Variants in ARHGAP15 observed in about 807,000 individuals in gnomAD.
The protein encoded by ARHGAP15 is Rho GTPase activating protein 15.
A neutral mutation model predicts 63.7 loss-of-function variants in ARHGAP15; 51 were observed. That is an observed-to-expected ratio of 0.80 (90% CI 0.64 to 1.01). The LOEUF (loss-of-function observed/expected upper bound fraction) is 1.01. ARHGAP15 is among the 50% of genes least tolerant of loss of function. The pLI is 0.00. For missense variants in ARHGAP15, 560 were observed against 564.6 expected, an observed-to-expected ratio of 0.99 and a Z score of 0.08; for synonymous variants, 191 against 193.8, an observed-to-expected ratio of 0.99 and a Z score of 0.12.
chr2:143,482,498 G>C (rs989686686), intron 8 of ARHGAP15, among the ~76,000 whole-genome samples: 1 of 152,186 alleles, frequency 6.6e-6, no homozygotes, highest in African/African-American at 2.4e-5. Context: ...AAAATGGAAG[G>C]AACACTGTTC....
chr2:143,543,323 A>G (rs952066887), intron 10 of ARHGAP15, among the ~76,000 whole-genome samples: 11 of 151,966 alleles, frequency 7.2e-5, no homozygotes, highest in African/African-American at 1.2e-4. Context: ...CCATTTACCT[A>G]TTGGCCATTT....
Position 143,199,548 on chromosome 2 carries a change from C to T in ARHGAP15, c.166-2586C>T, listed in dbSNP as rs540243876. 6.6e-5 allele frequency among the ~76,000 whole-genome samples: 10 copies of T among 152,146 alleles called. No individual in the cohort carries two copies. In the East Asian group the frequency reaches 1.9e-3, roughly 30 times the overall value. On this transcript the variant is annotated intron_variant, in intron 2 of 13. Coordinates refer to ENST00000295095, the MANE Select transcript of ARHGAP15 (RefSeq NM_018460.4). ...TTGCAACTTCATCCCTCCGTAGGGCCTTGTTCATTGTTTTCCCAGCCAGGG... is the reference window on the plus strand; with the variant it reads ...TTGCAACTTCATCCCTCCGTAGGGCTTTGTTCATTGTTTTCCCAGCCAGGG...
intron 10 of ARHGAP15, among the ~76,000 whole-genome samples, chr2:143,522,525 G>A (rs1243999775): frequency 1.3e-5 from 2 of 151,986 alleles, no homozygotes; most frequent in African/African-American, 4.8e-5. Flanking sequence ...TCATATCCTG[G>A]GTACAATGAC....
At chr2:143,639,488 CATTTA>C (rs1479720699) in intron 12 of ARHGAP15, among the ~76,000 whole-genome samples, 15 of 152,184 alleles carry the variant, frequency 9.9e-5, no homozygotes, top group African/African-American at 3.4e-4. Flanking sequence ...TTGTAACAAA[CATTTA>C]ATTTATCTTT....
chr2:143,463,129 T>A (rs1233436833), intron 8 of ARHGAP15, among the ~76,000 whole-genome samples: 1 of 152,182 alleles, frequency 6.6e-6, no homozygotes, highest in Non-Finnish European at 1.5e-5. Flanking sequence ...GTATTTTATG[T>A]GTGGCCCAAG....
At chr2:143,482,157 G>A (rs1692107890) in intron 8 of ARHGAP15, among the ~76,000 whole-genome samples, 1 of 152,042 alleles carries the variant, frequency 6.6e-6, no homozygotes, top group Admixed American at 6.6e-5. Context: ...GATTAAGAGT[G>A]ATTGCTCTAG....
intron 11 of ARHGAP15, among the ~76,000 whole-genome samples, chr2:143,598,690 G>A (rs1367750605): frequency 6.6e-6 from 1 of 152,100 alleles, no homozygotes; most frequent in African/African-American, 2.4e-5. Flanking sequence ...AGGGTCACTT[G>A]AAGCCAGGAG....
chr2:143,431,866 T>A (rs1689403757), intron 6 of ARHGAP15, among the ~76,000 whole-genome samples: 1 of 152,010 alleles, frequency 6.6e-6, no homozygotes, highest in Non-Finnish European at 1.5e-5. Flanking sequence ...TTTGTGGGAT[T>A]TATTCTGCAA....
chr2:143,443,172 A>G (rs1689968193), intron 8 of ARHGAP15, among the ~76,000 whole-genome samples: 1 of 152,186 alleles, frequency 6.6e-6, no homozygotes, highest in Admixed American at 6.5e-5. Context: ...TACATATTTT[A>G]AAGTTTTTTC....
intron 6 of ARHGAP15, among the ~76,000 whole-genome samples, chr2:143,270,873 G>C (rs950839668): frequency 6.6e-5 from 10 of 152,082 alleles, no homozygotes; most frequent in African/African-American, 2.4e-4. Flanking sequence ...GAAAATGTTA[G>C]AAAAACATAT....
At chr2:143,508,770 T>G (rs142211492) in intron 9 of ARHGAP15, among the ~76,000 whole-genome samples, 2 of 152,292 alleles carry the variant, frequency 1.3e-5, no homozygotes, top group Non-Finnish European at 2.9e-5. Flanking sequence ...AGATGCAAAT[T>G]TCTTCCTGGC....
At chr2:143,479,541 T>C (rs1429930425) in intron 8 of ARHGAP15, among the ~76,000 whole-genome samples, 2 of 152,136 alleles carry the variant, frequency 1.3e-5, no homozygotes, top group African/African-American at 4.8e-5. Flanking sequence ...TTCTTCTTTT[T>C]TTTAGTAATT....
At chr2:143,457,268 C>G (rs1179363784) in intron 8 of ARHGAP15, among the ~76,000 whole-genome samples, 1 of 151,948 alleles carries the variant, frequency 6.6e-6, no homozygotes, top group African/African-American at 2.4e-5. Context: ...GTGAGGCATG[C>G]TAGCTCATGC....
At chr2:143,271,619 G>T (rs1681286009) in intron 6 of ARHGAP15, among the ~76,000 whole-genome samples, 1 of 152,210 alleles carries the variant, frequency 6.6e-6, no homozygotes, top group Admixed American at 6.5e-5. Context: ...GGGACCACAG[G>T]TGCCTGCCAC....
chr2:143,667,425 TCG>T, intron 12 of ARHGAP15, among the ~76,000 whole-genome samples: 1 of 57,334 alleles, frequency 1.7e-5, no homozygotes, highest in Non-Finnish European at 2.9e-5. Context: ...TGTGGTGGGG[TCG>T]GGGGAGGGGG....
chr2:143,466,830 T>C (rs1352697375), intron 8 of ARHGAP15, among the ~76,000 whole-genome samples: 1 of 152,070 alleles, frequency 6.6e-6, no homozygotes. Context: ...GTTTAGCAGG[T>C]AGATGAAACA....
chr2:143,190,679 T>C (rs148097957), intron 2 of ARHGAP15, among the ~76,000 whole-genome samples: 84 of 152,346 alleles, frequency 5.5e-4, no homozygotes, highest in Middle Eastern at 3.4e-3. Context: ...TTCTGAATGA[T>C]GGCTGTTGCA....
Position 143,629,083 on chromosome 2 carries a change from G to A in ARHGAP15, c.1138+4816G>A, listed in dbSNP as rs377590834. On this transcript the variant is annotated intron_variant, in intron 12 of 13. Coordinates refer to ENST00000295095, the MANE Select transcript of ARHGAP15 (RefSeq NM_018460.4). The stretch of plus-strand genomic sequence containing the variant: ...ACAAGCAATTAATGACCACTGGAGC[G>A]GTCTGAATTACTTTAATTTTTATTA... Among the ~76,000 whole-genome samples, 44 of 152,008 alleles carry A rather than the reference G, an allele frequency of 2.9e-4. 1 individual carries two copies. In the South Asian group the frequency reaches 4.4e-3, roughly 15 times the overall value.
At chr2:143,573,784 T>A (rs1423243623) in intron 11 of ARHGAP15, among the ~76,000 whole-genome samples, 1 of 152,128 alleles carries the variant, frequency 6.6e-6, no homozygotes, top group Non-Finnish European at 1.5e-5. Flanking sequence ...GGAGGTGCAC[T>A]CTTCCTTTAC....
Sources: gnomAD v4.1 joint callset for allele counts (sites outside exome capture counted in the v4.1 genomes callset) on GRCh38, gnomAD v4.1.1 for gene constraint, MANE v1.5 for transcripts, NCBI Gene and HGNC (gene_info 2026-07-23, HGNC 2026-07-21) for gene names.